The following TRIO variants were observed in gnomAD, a reference collection of about 807,000 sequenced individuals.
TRIO encodes triple functional domain protein.
A neutral mutation model predicts 351.9 loss-of-function variants in TRIO; 58 were observed. The ratio of observed to expected loss-of-function variants is 0.16; its 90% confidence interval spans 0.13 to 0.21. The LOEUF (loss-of-function observed/expected upper bound fraction) is 0.21. Ranked by LOEUF, TRIO falls within the 10% of genes least tolerant of loss-of-function variation. The pLI, the probability that TRIO is intolerant of heterozygous loss-of-function variation, is 1.00. For missense variants in TRIO, 3,201 were observed against 4,027.8 expected (o/e 0.79, Z 5.56); for synonymous variants, 1,758 against 1,595.7 (o/e 1.10, Z -2.42).
intron 34 of TRIO, among the ~76,000 whole-genome samples, chr5:14,455,148 T>A (rs2126456191): frequency 6.6e-6 from 1 of 152,310 alleles, no homozygotes; most frequent in East Asian, 1.9e-4. Flanking sequence ...AAGATAAAGC[T>A]TCCACAGTGT....
intron 9 of TRIO, 80 bp from the exon 10 acceptor site, chr5:14,330,698 G>A (rs191843552): frequency 8.6e-5 from 127 of 1,469,128 alleles, no homozygotes; most frequent in Non-Finnish European, 1.0e-5. Context: ...ACAACAGAAG[G>A]GGTCTTCATT....
intron 11 of TRIO, among the ~76,000 whole-genome samples, chr5:14,357,726 C>T (rs1050028077): frequency 4.6e-5 from 7 of 152,062 alleles, no homozygotes; most frequent in African/African-American, 7.2e-5. Flanking sequence ...TGTGTGCTTC[C>T]GGGGGAAATC....
At position 14,507,952 on chromosome 5, in the gene TRIO, C is replaced by T; in HGVS notation, c.8824C>T (p.Gln2942Ter). 1 of 1,614,184 alleles carries T rather than the reference C, an allele frequency of 6.2e-7. No individual in the cohort carries two copies. The highest frequency in any genetic ancestry group is 8.5e-7 in the Non-Finnish European group (1 of 1,180,042). ...IKLADFGDAV[Q>*]LNTTYYIHQL... is the part of the protein sequence containing the mutation. ...ACTGGCTGACTTTGGAGATGCTGTT[C>T]AGCTCAACACGACCTACTACATCCA... Residue 2942 changes from glutamine to a stop codon, truncating the protein, a stop_gained, in exon 57 of 57, where the codon CAG becomes TAG. Transcript: ENST00000344204. LOFTEE classifies it high-confidence loss of function.
chr5:14,169,080 T>C (rs1012926794), intron 1 of TRIO, among the ~76,000 whole-genome samples: 4 of 152,310 alleles, frequency 2.6e-5, no homozygotes, highest in Middle Eastern at 3.4e-3. Flanking sequence ...TTGAGGTGAA[T>C]GCATGGTTTA....
chr5:14,242,129 G>A (rs1794163597), intron 1 of TRIO, among the ~76,000 whole-genome samples: 2 of 152,174 alleles, frequency 1.3e-5, no homozygotes, highest in African/African-American at 4.8e-5. Flanking sequence ...ACTTATCCAA[G>A]GCCACATACC....
intron 10 of TRIO, among the ~76,000 whole-genome samples, chr5:14,331,346 C>T (rs1400318418): frequency 1.3e-5 from 2 of 152,088 alleles, no homozygotes; most frequent in Non-Finnish European, 2.9e-5. Context: ...GAGCACTGGC[C>T]GCCTGACTTT....
intron 33 of TRIO, among the ~76,000 whole-genome samples, chr5:14,418,244 A>G (rs1049028935): frequency 1.3e-5 from 2 of 152,120 alleles, no homozygotes; most frequent in Non-Finnish European, 2.9e-5. Context: ...GCTTCTGGCC[A>G]CTGGGGGGGA....
chr5:14,221,904 T>G (rs1438940306), intron 1 of TRIO, among the ~76,000 whole-genome samples: 10 of 152,272 alleles, frequency 6.6e-5, no homozygotes, highest in Admixed American at 6.5e-4. Flanking sequence ...GAAGTTCTGC[T>G]GTGGATAAAA....
intron 33 of TRIO, among the ~76,000 whole-genome samples, chr5:14,412,076 C>A (rs1281383079): frequency 6.6e-6 from 1 of 151,838 alleles, no homozygotes; most frequent in Non-Finnish European, 1.5e-5. Context: ...CAACCTCCGC[C>A]TCCCAGGTTC....
chr5:14,490,193 C>T (rs7719271), intron 48 of TRIO, among the ~76,000 whole-genome samples: 1,848 of 152,274 alleles, frequency 0.012, 37 homozygotes, highest in African/African-American at 0.037. Flanking sequence ...GCAGGAGAAT[C>T]GCTTGAACCC....
rs1308840492 is a variant in TRIO at position 14,485,250 on chromosome 5, A to T, written c.6835+4A>T. 1.3e-6 allele frequency: 2 copies of T among 1,575,072 alleles called. No individual in the cohort carries two copies. Among genetic ancestry groups the T allele is most frequent in the East Asian group, 2.3e-5 (1 of 43,932 alleles). On this transcript the variant is annotated splice_donor_region_variant and intron_variant, in intron 47 of 56. Coordinates refer to ENST00000344204, the MANE Select transcript of TRIO (RefSeq NM_007118.4). The stretch of plus-strand genomic sequence containing the variant: ...AACCAGCGCAATTTTTTAAATGGTA[A>T]TGTGTGTTCTGTTACTAGATGTGTG...
chr5:14,298,056 T>G (rs1387485937), intron 7 of TRIO, among the ~76,000 whole-genome samples: 1 of 151,124 alleles, frequency 6.6e-6, no homozygotes, highest in African/African-American at 2.4e-5. Context: ...CTTAGGGAGG[T>G]GCTGCCCGCA....
chr5:14,472,460 T>C, intron 38 of TRIO, 132 bp from the exon 39 acceptor site: 1 of 965,084 alleles, frequency 1.0e-6, no homozygotes, highest in Non-Finnish European at 1.5e-6. Flanking sequence ...CTCCAGAATT[T>C]AACACCTAAA....
At chr5:14,328,598 G>A (rs1202571817) in intron 9 of TRIO, among the ~76,000 whole-genome samples, 1 of 152,242 alleles carries the variant, frequency 6.6e-6, no homozygotes, top group Non-Finnish European at 1.5e-5. Flanking sequence ...TACAGCCTGT[G>A]CCGTCAGGAG....
At chr5:14,274,472 AT>A (rs1735323519) in intron 2 of TRIO, among the ~76,000 whole-genome samples, 1 of 152,068 alleles carries the variant, frequency 6.6e-6, no homozygotes, top group African/African-American at 2.4e-5. Context: ...GTCTTGTCTT[AT>A]TTTTATGGTG....
intron 1 of TRIO, among the ~76,000 whole-genome samples, chr5:14,221,604 A>G (rs1209299010): frequency 1.3e-5 from 2 of 152,232 alleles, no homozygotes; most frequent in Non-Finnish European, 2.9e-5. Context: ...AGGGTTCAGC[A>G]CTTCAGTGGA....
chr5:14,462,789 T>C lies in TRIO; in HGVS notation c.5531T>C (p.Leu1844Pro). Reference sequence around the variant, plus strand: ...AACGAGGGCCTGAGCAGCGGTACTCTCTCCAAATCCTCCTCCTCGGGGATG... The same window carrying C: ...AACGAGGGCCTGAGCAGCGGTACTCCCTCCAAATCCTCCTCCTCGGGGATG... ...GRNEGLSSGTLSKSSSSGMQS... is the reference protein window; with the variant it reads ...GRNEGLSSGTPSKSSSSGMQS... Residue 1844 changes from leucine to proline, a missense_variant, in exon 36 of 57, where the codon CTC (leucine) becomes CCC (proline). Transcript: ENST00000344204. The C allele has an allele frequency of 6.2e-7, 1 of 1,614,170 alleles. No individual in the cohort carries two copies. The highest frequency in any genetic ancestry group is 8.5e-7 in the Non-Finnish European group (1 of 1,180,024).
At chr5:14,183,232 G>T (rs912473405) in intron 1 of TRIO, among the ~76,000 whole-genome samples, 4 of 152,116 alleles carry the variant, frequency 2.6e-5, no homozygotes, top group Non-Finnish European at 5.9e-5. Flanking sequence ...GCTCCCCTCC[G>T]TTGAAAGTCT....
At chr5:14,362,345 A>T (rs767597587) in intron 13 of TRIO, among the ~76,000 whole-genome samples, 1 of 152,140 alleles carries the variant, frequency 6.6e-6, no homozygotes, top group African/African-American at 2.4e-5. Context: ...TCAACTAAAC[A>T]TCTCCCCAAT....
Sources: allele counts gnomAD v4.1 joint callset (sites outside exome capture counted in the v4.1 genomes callset), GRCh38; gene constraint gnomAD v4.1.1; transcripts MANE v1.5; gene names NCBI Gene and HGNC (gene_info 2026-07-23, HGNC 2026-07-21).